The following SNX11 variants were observed in gnomAD, a reference collection of about 807,000 sequenced individuals.
SNX11 encodes sorting nexin 11.
A neutral mutation model predicts 30.7 loss-of-function variants in SNX11; 19 were observed. That is an observed-to-expected ratio of 0.62 (90% CI 0.43 to 0.91). The LOEUF (loss-of-function observed/expected upper bound fraction) is 0.91, where lower values mean the gene tolerates loss of function less well. Ranked by LOEUF, SNX11 falls within the 40% of genes least tolerant of loss-of-function variation. SNX11 has a pLI of 0.00. For synonymous variants in SNX11, 112 were observed against 119.0 expected (o/e 0.94, Z 0.38); for missense variants, 302 against 326.7 (o/e 0.92, Z 0.58).
At chr17:48,116,947 C>CT (rs2063551637) in intron 4 of SNX11, among the ~76,000 whole-genome samples, 1 of 151,636 alleles carries the variant, frequency 6.6e-6, no homozygotes, top group Non-Finnish European at 1.5e-5. Flanking sequence ...TCTCGGCTCA[C>CT]TGCAACCTCC....
At chr17:48,117,195 A>G (rs2063554575) in intron 4 of SNX11, among the ~76,000 whole-genome samples, 1 of 145,500 alleles carries the variant, frequency 6.9e-6, no homozygotes, top group Non-Finnish European at 1.5e-5. Flanking sequence ...GCTGGGGATT[A>G]CAGGCATGTG....
chr17:48,121,807 A>T lies in SNX11; in HGVS notation c.*299A>T. On this transcript the variant is annotated 3_prime_UTR_variant, in exon 7 of 7. Transcript: ENST00000359238. ...CTGCAGGTCATTTGTATGTAGGACC[A>T]GGAGTATCTCCTCAGGTGACCAGTT... The T allele has an allele frequency of 2.9e-6, 1 of 345,528 alleles. No individual in the cohort carries two copies. The highest frequency in any genetic ancestry group is 5.4e-6 in the Non-Finnish European group (1 of 186,528). The allele number at this position is 345,528 out of a possible 1,614,324, so 21.4% of individuals were successfully genotyped here.
chr17:48,109,695 A>G (rs550504966), intron 1 of SNX11, among the ~76,000 whole-genome samples: 2 of 151,826 alleles, frequency 1.3e-5, no homozygotes, highest in African/African-American at 4.8e-5. Flanking sequence ...CTCCTGCTTC[A>G]GTCTCCCAAG....
chr17:48,116,659 C>T (rs1724881730), intron 4 of SNX11, among the ~76,000 whole-genome samples: 7 of 151,592 alleles, frequency 4.6e-5, no homozygotes, highest in Admixed American at 4.6e-4. Flanking sequence ...ACTGCAACTC[C>T]CAGGTTCAAG....
chr17:48,113,858 G>GT lies in SNX11; in HGVS notation c.230+471dup, dbSNP rs1250987104. Among the ~76,000 whole-genome samples, 1,218 of 137,596 alleles carry GT rather than the reference G, an allele frequency of 8.9e-3. 4 individuals are homozygous for GT. Among genetic ancestry groups the GT allele is most frequent in the African/African-American group, 0.021 (785 of 37,558 alleles). 90.3% of individuals were successfully genotyped at this position (137,596 alleles called of 152,430 possible). On this transcript the variant is annotated intron_variant, in intron 4 of 6. Transcript: ENST00000359238. ...CCACCAGGCCCGGCTGGGAAATAAT[G>GT]TTTTTTTTTTTTTTGAGATGGAGTC...
chr17:48,115,966 A>G (rs2063541770), intron 4 of SNX11, among the ~76,000 whole-genome samples: 1 of 138,292 alleles, frequency 7.2e-6, no homozygotes, highest in Admixed American at 7.8e-5. Context: ...TTTGAGACAG[A>G]GCTTAGCTAA....
chr17:48,120,657 C>T (rs1212065879), intron 6 of SNX11, among the ~76,000 whole-genome samples: 2 of 151,422 alleles, frequency 1.3e-5, no homozygotes, highest in African/African-American at 4.9e-5. Context: ...TACAGGCGCC[C>T]GCCACCATGC....
Position 48,109,229 on chromosome 17 carries a change from C to T in SNX11, c.-14+1391C>T, listed in dbSNP as rs553626780. On this transcript the variant is annotated intron_variant, in intron 1 of 6. Coordinates refer to ENST00000359238, the MANE Select transcript of SNX11 (RefSeq NM_013323.3). ...TTACAGGCGTGAGCCACTGGGCCAG[C>T]CCAGTGTTTTTAAGGACAGTTACAA... is the stretch of plus-strand genomic sequence containing the variant. Among the ~76,000 whole-genome samples, 3 of 151,154 alleles carry T rather than the reference C, an allele frequency of 2.0e-5. No homozygotes were observed. The East Asian group carries it at 5.9e-4, about 30-fold the overall frequency.
rs749690341 is a variant in SNX11, at chr17:48,118,707, T to C, written c.234T>C (p.Pro78=). ...GTTATATCATGTGGCTGCACAGGCC[T>C]GTTCCTGAACTTCCTGGGAAGTCAA... ...KQLQRNAGLV[P]VPELPGKSTF... Residue 78 remains proline, a synonymous_variant, in exon 5 of 7, where the codon CCT becomes CCC. Transcript: ENST00000359238. The C allele has an allele frequency of 1.3e-5, 21 of 1,613,238 alleles. No individual in the cohort carries two copies. Among genetic ancestry groups the C allele is most frequent in the Non-Finnish European group, 1.6e-5 (19 of 1,179,330 alleles).
chr17:48,114,724 C>T (rs2063527220), intron 4 of SNX11, among the ~76,000 whole-genome samples: 1 of 126,494 alleles, frequency 7.9e-6, no homozygotes, highest in Non-Finnish European at 1.6e-5. Flanking sequence ...CACTTTGTTG[C>T]CCAGGCTGGA....
At chr17:48,109,192 C>G (rs533780763) in intron 1 of SNX11, among the ~76,000 whole-genome samples, 34 of 151,758 alleles carry the variant, frequency 2.2e-4, no homozygotes, top group Admixed American at 1.4e-3. Context: ...CTCAGCTTCC[C>G]AAAGTGTTGG....
chr17:48,116,171 T>C (rs868126652), intron 4 of SNX11, among the ~76,000 whole-genome samples: 10 of 151,918 alleles, frequency 6.6e-5, no homozygotes, highest in African/African-American at 2.4e-4. Context: ...AGGCAGAGAA[T>C]TGCTTGAACC....
intron 4 of SNX11, among the ~76,000 whole-genome samples, chr17:48,116,497 T>C (rs1164995570): frequency 2.6e-5 from 4 of 152,058 alleles, no homozygotes; most frequent in East Asian, 1.9e-4. Flanking sequence ...GGGATTACAG[T>C]TGTGAGCCAC....
chr17:48,118,593 A>AT, intron 4 of SNX11, 111 bp from the exon 5 acceptor site: 20 of 671,928 alleles, frequency 3.0e-5, no homozygotes, highest in Admixed American at 5.5e-5. Flanking sequence ...AAAAAAAAAA[A>AT]GCTATTTGTA....
intron 4 of SNX11, chr17:48,113,610 A>G (rs530565164): frequency 3.5e-5 from 15 of 431,964 alleles, no homozygotes; most frequent in South Asian, 2.2e-4. Context: ...CAGTGGTGCA[A>G]TCATGGCTCA....
At chr17:48,111,978 G>T in intron 1 of SNX11, 53 bp from the exon 2 acceptor site, 1 of 1,430,326 alleles carries the variant, frequency 7.0e-7, no homozygotes. Context: ...GGTAAAGAAT[G>T]ATAAGAACAG....
chr17:48,112,697 C>T (rs754126821), intron 3 of SNX11, 37 bp downstream of exon 3: 2 of 1,333,626 alleles, frequency 1.5e-6, no homozygotes, highest in Non-Finnish European at 2.1e-6. Context: ...GGTCAGCGCT[C>T]TGCAGGGCTG....
chr17:48,108,830 C>G (rs2063461332), intron 1 of SNX11, among the ~76,000 whole-genome samples: 1 of 152,196 alleles, frequency 6.6e-6, no homozygotes, highest in Admixed American at 6.5e-5. Context: ...CAGAACTGAG[C>G]TTTTTCTTTT....
intron 2 of SNX11, 76 bp downstream of exon 2, chr17:48,112,161 G>A (rs768734616): frequency 7.8e-7 from 1 of 1,290,116 alleles, no homozygotes; most frequent in Non-Finnish European, 1.1e-6. Context: ...ACATAGAGAT[G>A]CAAATCATTA....
Sources: allele counts gnomAD v4.1 joint callset (sites outside exome capture counted in the v4.1 genomes callset), GRCh38; gene constraint gnomAD v4.1.1; transcripts MANE v1.5; gene names NCBI Gene and HGNC (gene_info 2026-07-23, HGNC 2026-07-21).